Variants in SASH1 observed in about 807,000 individuals in gnomAD.
The protein encoded by SASH1 is SAM and SH3 domain-containing protein 1.
In SASH1, 44 loss-of-function variants were observed where a neutral mutation model predicts 125.2. The ratio of observed to expected loss-of-function variants is 0.35; its 90% CI spans 0.28 to 0.45. The LOEUF is 0.45. Among genes scored for constraint, SASH1 ranks in the 20% least tolerant of loss-of-function variants. SASH1 has a pLI of 1.00. For synonymous variants in SASH1, 639 were observed against 649.1 expected, an observed-to-expected ratio of 0.98 and a Z score of 0.24; for missense variants, 1,426 against 1,614.5, an observed-to-expected ratio of 0.88 and a Z score of 2.00.
At position 148,544,926 on chromosome 6, in the gene SASH1, G is replaced by A; in HGVS notation, c.3348+108G>A. On this transcript the variant is annotated intron_variant, in intron 18 of 19. Transcript: ENST00000367467. This position sits in a 1 kb window ranked among gnomAD's most constrained non-coding sequence, Gnocchi z 6.4. ...AAGCCAGCCCGGTAGCCCGCCCAGT[G>A]GACAGGAGACACCTGAATCCACGTG... The A allele has an allele frequency of 2.8e-6, 3 of 1,079,158 alleles. No individual in the cohort carries two copies. Among genetic ancestry groups the A allele is most frequent in the Non-Finnish European group, 3.9e-6 (3 of 767,748 alleles). The allele number at this position is 1,079,158 out of a possible 1,614,324, so 66.8% of individuals were successfully genotyped here.
At chr6:148,417,607 A>AAATG (rs1290325112) in intron 2 of SASH1, among the ~76,000 whole-genome samples, 7 of 151,930 alleles carry the variant, frequency 4.6e-5, no homozygotes, top group African/African-American at 1.7e-4. Flanking sequence ...ATAAATAAAT[A>AAATG]AAAGAGCATG....
In SASH1 at chr6:148,431,389, G is replaced by A. The variant is rs1776055374; in HGVS notation, c.286-8795G>A. On this transcript the variant is annotated intron_variant, in intron 2 of 19. Transcript: ENST00000367467. Reference sequence around the variant, plus strand: ...AATTATTGTATTTTTAGAAGAGATAGGGTTTCACCATGTTGGCCAGGCTGG... The same window carrying A: ...AATTATTGTATTTTTAGAAGAGATAAGGTTTCACCATGTTGGCCAGGCTGG... 1.3e-5 allele frequency among the ~76,000 whole-genome samples: 2 copies of A among 151,904 alleles called. 1 individual carries two copies. Among genetic ancestry groups the A allele is most frequent in the South Asian group, 4.2e-4 (2 of 4,788 alleles).
intron 1 of SASH1, among the ~76,000 whole-genome samples, chr6:148,343,488 ATGT>A (rs1407800126): frequency 6.6e-6 from 1 of 152,210 alleles, no homozygotes; most frequent in African/African-American, 2.4e-5. Context: ...ACCTGCTGAC[ATGT>A]TGGTGTGGAA....
At chr6:148,331,513 T>C (rs72563842) in intron 1 of SASH1, among the ~76,000 whole-genome samples, 18,267 of 151,950 alleles carry the variant, frequency 0.12, 1,508 homozygotes, top group East Asian at 0.34. Flanking sequence ...GTATTTTCAG[T>C]AGAGACAGGG....
intron 1 of SASH1, among the ~76,000 whole-genome samples, chr6:148,293,612 G>A (rs1779690681): frequency 6.6e-6 from 1 of 152,158 alleles, no homozygotes; most frequent in Admixed American, 6.5e-5. Context: ...TCTGGAGGGG[G>A]AGGGGGAGGG....
chr6:148,370,842 CA>C (rs574818463), intron 1 of SASH1, among the ~76,000 whole-genome samples: 3 of 151,306 alleles, frequency 2.0e-5, no homozygotes, highest in Non-Finnish European at 3.0e-5. Context: ...AAAGACAAAA[CA>C]AAAAAACCCT....
intron 10 of SASH1, among the ~76,000 whole-genome samples, chr6:148,522,603 A>G (rs1205496545): frequency 1.3e-5 from 2 of 152,360 alleles, no homozygotes; most frequent in East Asian, 3.9e-4. Context: ...ACAGACATGC[A>G]TGACATTTTG....
At chr6:148,203,199 A>C in the SASH1 span, among the ~76,000 whole-genome samples, 1 of 152,178 alleles carries the variant, frequency 6.6e-6, no homozygotes, top group East Asian at 1.9e-4. Flanking sequence ...GCCTGATTCC[A>C]TCTTTTCCAT....
chr6:148,503,407 A>G (rs1275975049), intron 8 of SASH1, among the ~76,000 whole-genome samples: 1 of 152,246 alleles, frequency 6.6e-6, no homozygotes, highest in East Asian at 1.9e-4. Flanking sequence ...GCAAATGTCT[A>G]ATTACGGGGG....
chr6:148,400,498 C>G (rs754615393), intron 2 of SASH1, among the ~76,000 whole-genome samples: 62 of 152,208 alleles, frequency 4.1e-4, no homozygotes, highest in Non-Finnish European at 6.0e-4. Context: ...GCCTGTAATC[C>G]CAGCACTTTG....
At chr6:148,366,501 A>G (rs1782464724) in intron 1 of SASH1, among the ~76,000 whole-genome samples, 1 of 152,182 alleles carries the variant, frequency 6.6e-6, no homozygotes, top group South Asian at 2.1e-4. Context: ...CTGACTTGCA[A>G]TGTCTGGATC....
chr6:148,539,684 T>C (rs1782099609), intron 16 of SASH1, among the ~76,000 whole-genome samples: 1 of 152,206 alleles, frequency 6.6e-6, no homozygotes, highest in Non-Finnish European at 1.5e-5. Flanking sequence ...TTCGAGGGTT[T>C]CCTAAGCTTT....
At chr6:148,238,942 A>G in the SASH1 span, among the ~76,000 whole-genome samples, 2 of 152,176 alleles carry the variant, frequency 1.3e-5, no homozygotes. Context: ...GAGCAGGCAG[A>G]TTGCAGGGAG....
chr6:148,218,514 A>G, the SASH1 span, among the ~76,000 whole-genome samples: 1 of 152,140 alleles, frequency 6.6e-6, no homozygotes, highest in Admixed American at 6.5e-5. Context: ...TTCTAACACA[A>G]CACAGCTGCC....
intron 2 of SASH1, among the ~76,000 whole-genome samples, chr6:148,434,389 T>A (rs1776206554): frequency 6.6e-6 from 1 of 152,186 alleles, no homozygotes; most frequent in Non-Finnish European, 1.5e-5. Context: ...GATCGTATTT[T>A]TAAGCTAATC....
At chr6:148,307,110 C>A (rs1426256184) in intron 1 of SASH1, among the ~76,000 whole-genome samples, 2 of 143,344 alleles carry the variant, frequency 1.4e-5, no homozygotes, top group Non-Finnish European at 3.0e-5. Context: ...CTCTCTGTCT[C>A]TTTCTTTCTT....
chr6:148,311,903 C>T (rs1780341450), intron 1 of SASH1, among the ~76,000 whole-genome samples: 1 of 152,198 alleles, frequency 6.6e-6, no homozygotes, highest in Admixed American at 6.5e-5. Context: ...AAACCTGCTT[C>T]AACTGGTAAA....
At chr6:148,298,018 T>A (rs1422839359) in intron 1 of SASH1, among the ~76,000 whole-genome samples, 1 of 151,514 alleles carries the variant, frequency 6.6e-6, no homozygotes, top group South Asian at 2.1e-4. Flanking sequence ...ATATATATTT[T>A]TTTTTTGAGA....
At chr6:148,325,261 T>TTGTTGTTGTTGTTG (rs147161125) in intron 1 of SASH1, among the ~76,000 whole-genome samples, 8,108 of 149,942 alleles carry the variant, frequency 0.054, 262 homozygotes, top group African/African-American at 0.059. Context: ...AAAAGCCTCT[T>TTGTTGTTGTTGTTG]TTGTTGTTGT....
Sources: allele counts gnomAD v4.1 joint callset (sites outside exome capture counted in the v4.1 genomes callset), GRCh38; gene constraint gnomAD v4.1.1; non-coding constraint Gnocchi (gnomAD v3.1); transcripts MANE v1.5; gene names NCBI Gene and HGNC (gene_info 2026-07-23, HGNC 2026-07-21).